CRISP1: variants seen among roughly 807,000 people sequenced by gnomAD.
The protein encoded by CRISP1 is cysteine-rich secretory protein 1.
A neutral mutation model predicts 33.1 loss-of-function variants in CRISP1; 44 were observed. The ratio of observed to expected loss-of-function variants is 1.33; its 90% CI spans 1.05 to 1.71. The LOEUF is 1.71. Among genes scored for constraint, CRISP1 ranks in the 40% most tolerant of loss-of-function variants. CRISP1 has a pLI of 0.00. For missense variants in CRISP1, 390 were observed against 301.2 expected (o/e 1.29, Z -2.18); for synonymous variants, 103 against 98.7 (o/e 1.04, Z -0.26).
At chr6:49,836,335 AT>A (rs972982910) in intron 7 of CRISP1, among the ~76,000 whole-genome samples, 8 of 146,424 alleles carry the variant, frequency 5.5e-5, no homozygotes, top group African/African-American at 2.0e-4. Context: ...TTTTATTTTT[AT>A]TTTATTTTTT....
intron 1 of CRISP1, among the ~76,000 whole-genome samples, chr6:49,871,641 C>A (rs1263229027): frequency 6.9e-6 from 1 of 145,104 alleles, no homozygotes; most frequent in East Asian, 2.1e-4. Flanking sequence ...TGAGTGAGAA[C>A]ACGTGGTGTT....
At chr6:49,868,753 C>G (rs1207660549), upstream of CRISP1, among the ~76,000 whole-genome samples, 1 of 152,078 alleles carries the variant, frequency 6.6e-6, no homozygotes, top group Non-Finnish European at 1.5e-5. Context: ...CTTCTTCATA[C>G]CACTCAGTAA....
At chr6:49,840,514 G>C (rs1029565589) in intron 6 of CRISP1, among the ~76,000 whole-genome samples, 6 of 152,090 alleles carry the variant, frequency 3.9e-5, no homozygotes, top group African/African-American at 1.4e-4. Context: ...TTGTTTTGTT[G>C]AAGTAAATGT....
Position 49,873,635 on chromosome 6 carries a change from T to A in CRISP1, c.-3+3374A>T, listed in dbSNP as rs10046360. Among the ~76,000 whole-genome samples, 461 of 152,228 alleles carry A rather than the reference T, an allele frequency of 3.0e-3. 2 individuals are homozygous for A. Among genetic ancestry groups the A allele is most frequent in the African/African-American group, 0.01 (428 of 41,580 alleles). The stretch of plus-strand genomic sequence containing the variant: ...CAAAATGGATCAAAAGGAACAGAGT[T>A]ATTTATAGAACTGGTTATATCAAAT... On this transcript the variant is annotated intron_variant, in intron 1 of 7. Coordinates refer to the CRISP1 transcript ENST00000505118.
chr6:49,858,843 C>T (rs1191867295), intron 1 of CRISP1, among the ~76,000 whole-genome samples: 5 of 151,866 alleles, frequency 3.3e-5, no homozygotes. Context: ...GCTGACTAGG[C>T]ATCTGGCACT....
At chr6:49,861,289 A>G (rs1021596242) in intron 1 of CRISP1, among the ~76,000 whole-genome samples, 1 of 152,204 alleles carries the variant, frequency 6.6e-6, no homozygotes, top group Non-Finnish European at 1.5e-5. Context: ...GGATGCAACA[A>G]AGAAGAAATC....
At chr6:49,836,685 T>G (rs989803041) in intron 7 of CRISP1, among the ~76,000 whole-genome samples, 5 of 152,130 alleles carry the variant, frequency 3.3e-5, no homozygotes, top group Admixed American at 2.0e-4. Flanking sequence ...ATTATTTTAG[T>G]GAATATCCTT....
At chr6:49,860,058 T>C (rs1421297903) in intron 1 of CRISP1, among the ~76,000 whole-genome samples, 2 of 151,940 alleles carry the variant, frequency 1.3e-5, no homozygotes, top group African/African-American at 4.8e-5. Flanking sequence ...AGGGATCAAT[T>C]CAGCAAGAGA....
At chr6:49,859,923 C>T (rs964072884) in intron 1 of CRISP1, among the ~76,000 whole-genome samples, 1 of 151,924 alleles carries the variant, frequency 6.6e-6, no homozygotes, top group Non-Finnish European at 1.5e-5. Flanking sequence ...TCAAAAGATA[C>T]TTCATGCAAA....
chr6:49,843,698 A>C (rs1451728044), intron 5 of CRISP1, among the ~76,000 whole-genome samples: 2 of 152,214 alleles, frequency 1.3e-5, no homozygotes, highest in Non-Finnish European at 2.9e-5. Flanking sequence ...AATACCTAAA[A>C]ATGTGGAAGC....
intron 6 of CRISP1, among the ~76,000 whole-genome samples, chr6:49,840,023 A>G (rs139724925): frequency 2.0e-5 from 3 of 152,336 alleles, no homozygotes; most frequent in Admixed American, 6.5e-5. Context: ...TTGAGTTCAC[A>G]TTATGTAGGA....
At chr6:49,868,926 C>G (rs866596098), upstream of CRISP1, among the ~76,000 whole-genome samples, 2 of 152,052 alleles carry the variant, frequency 1.3e-5, no homozygotes, top group African/African-American at 4.8e-5. Flanking sequence ...TTTTAAGAAC[C>G]CTGGGAGATT....
chr6:49,854,605 T>C (rs1771442590), intron 2 of CRISP1, among the ~76,000 whole-genome samples: 1 of 152,166 alleles, frequency 6.6e-6, no homozygotes. Flanking sequence ...CATTCAACTA[T>C]TGTTCTCTGT....
At chr6:49,835,495 G>T in intron 7 of CRISP1, 52 bp from the exon 8 acceptor site, 2 of 1,576,904 alleles carry the variant, frequency 1.3e-6, no homozygotes, top group Non-Finnish European at 8.6e-7. Context: ...AATCGCATTT[G>T]CTGAGGAAAG....
chr6:49,844,621 G>A (rs1335142301), intron 5 of CRISP1, among the ~76,000 whole-genome samples: 2 of 152,176 alleles, frequency 1.3e-5, no homozygotes, highest in African/African-American at 4.8e-5. Context: ...AAGGGAAAAG[G>A]CTGCCCACAG....
chr6:49,848,379 C>A, intron 3 of CRISP1, 80 bp from the exon 4 acceptor site: 1 of 793,316 alleles, frequency 1.3e-6, no homozygotes, highest in Non-Finnish European at 2.0e-6. Context: ...TAATAATCCA[C>A]GAGATATAAT....
At chr6:49,871,536 C>T (rs12198753) in intron 1 of CRISP1, among the ~76,000 whole-genome samples, 13,363 of 142,510 alleles carry the variant, frequency 0.094, 903 homozygotes, top group Non-Finnish European at 0.15. Context: ...AAGCCAAATG[C>T]TATCCCTCCC....
At chr6:49,849,638 G>A (rs1299536904) in intron 3 of CRISP1, among the ~76,000 whole-genome samples, 1 of 152,146 alleles carries the variant, frequency 6.6e-6, no homozygotes, top group Non-Finnish European at 1.5e-5. Flanking sequence ...CATAGAGTTT[G>A]TTTTTACTAT....
intron 6 of CRISP1, 126 bp downstream of exon 6, chr6:49,840,772 T>A: frequency 3.1e-6 from 2 of 654,656 alleles, no homozygotes; most frequent in Non-Finnish European, 5.2e-6. Flanking sequence ...ATCTGGGTTA[T>A]TTCCAGCTCT....
Sources: allele counts gnomAD v4.1 joint callset (sites outside exome capture counted in the v4.1 genomes callset), GRCh38; gene constraint gnomAD v4.1.1; transcripts MANE v1.5; gene names NCBI Gene and HGNC (gene_info 2026-07-23, HGNC 2026-07-21).